The following PID1 variants were observed in gnomAD, a reference collection of about 807,000 sequenced individuals.
PID1 encodes the protein phosphotyrosine interaction domain containing 1.
A neutral mutation model predicts 19.1 loss-of-function variants in PID1; 10 were observed. That is an observed-to-expected ratio of 0.52 (90% CI 0.32 to 0.89). The LOEUF is 0.89. Among genes scored for constraint, PID1 ranks in the 40% least tolerant of loss-of-function variants. The pLI is 0.03. For missense variants in PID1, 248 were observed against 285.3 expected (o/e 0.87, Z 0.94); for synonymous variants, 130 against 116.0 (o/e 1.12, Z -0.78).
At position 229,131,875 on chromosome 2, in the gene PID1, AAAC is replaced by A. The variant is rs554954025; in HGVS notation, c.177+23940_177+23942del. 3.5e-4 allele frequency among the ~76,000 whole-genome samples: 53 copies of A among 152,302 alleles called. No individual in the cohort carries two copies. The South Asian group carries it at 0.01, about 29-fold the overall frequency. ...ATTTATCTCAATATCAGTCATTGTT[AAAC>A]AACAGTGACATGAGGGTGGGCAGAA... On this transcript the variant is annotated intron_variant, in intron 2 of 2. Transcript: ENST00000392055.
At position 229,054,722 on chromosome 2, in the gene PID1, G is replaced by GTTT. The variant is rs1035204865; in HGVS notation, c.178-28615_178-28614insAAA. Among the ~76,000 whole-genome samples, 106 of 57,220 alleles carry GTTT rather than the reference G, an allele frequency of 1.9e-3. 12 individuals are homozygous for GTTT. The highest frequency in any genetic ancestry group is 5.9e-3 in the African/African-American group (103 of 17,594). 37.5% of individuals were successfully genotyped at this position (57,220 alleles called of 152,430 possible). A position where few individuals can be genotyped will look rare whatever the true frequency, so the allele number is the denominator to read the frequency against. On this transcript the variant is annotated intron_variant, in intron 2 of 2. Transcript: ENST00000392055. Reference sequence around the variant, plus strand: ...TAATGCAGTGTGTGTGTGTGTGTGGGGGGGGGGGGGGGTCTGGTTTTACTC... The same window carrying GTTT: ...TAATGCAGTGTGTGTGTGTGTGTGGGTTTGGGGGGGGGGGGTCTGGTTTTACTC...
At chr2:229,079,206 G>A (rs1018412606) in intron 2 of PID1, among the ~76,000 whole-genome samples, 2 of 152,280 alleles carry the variant, frequency 1.3e-5, no homozygotes, top group African/African-American at 2.4e-5. Context: ...TCGGGGCTGA[G>A]AAGACTGGCC....
intron 2 of PID1, among the ~76,000 whole-genome samples, chr2:229,045,419 C>T (rs1424188237): frequency 6.6e-6 from 1 of 152,166 alleles, no homozygotes; most frequent in Non-Finnish European, 1.5e-5. Flanking sequence ...TGTGGCCAAC[C>T]TGATACTTAT....
intron 2 of PID1, among the ~76,000 whole-genome samples, chr2:229,051,669 A>T (rs115050480): frequency 4.5e-4 from 69 of 152,284 alleles, no homozygotes; most frequent in African/African-American, 1.6e-3. Flanking sequence ...TTACCATTAC[A>T]TAACAAAGTA....
At chr2:229,270,868 T>C (rs1212882339) in intron 1 of PID1, 146 bp downstream of exon 1, 1 of 656,368 alleles carries the variant, frequency 1.5e-6, no homozygotes, top group African/African-American at 1.9e-5. Flanking sequence ...TGGCGCTGGG[T>C]AAACCGACAG....
At chr2:229,224,383 G>A (rs879272788) in intron 1 of PID1, among the ~76,000 whole-genome samples, 20 of 152,252 alleles carry the variant, frequency 1.3e-4, no homozygotes, top group Admixed American at 8.5e-4. Context: ...TGCAACTGGT[G>A]TCCAGGAAAC....
At chr2:229,050,403 G>A (rs2215599) in intron 2 of PID1, among the ~76,000 whole-genome samples, 79,512 of 152,014 alleles carry the variant, frequency 0.52, 21,566 homozygotes, top group East Asian at 0.67. Context: ...TGCTGCAGCA[G>A]CAAACCCCTT....
chr2:229,040,105 G>A (rs1574576267), intron 2 of PID1, among the ~76,000 whole-genome samples: 1 of 146,128 alleles, frequency 6.8e-6, no homozygotes, highest in African/African-American at 2.5e-5. Flanking sequence ...GACTTATTGG[G>A]TATATTGTTA....
chr2:229,119,838 A>G (rs1695481896), intron 2 of PID1, among the ~76,000 whole-genome samples: 2 of 152,134 alleles, frequency 1.3e-5, no homozygotes. Flanking sequence ...GCCTCACGTA[A>G]TCTGTTGAGG....
Position 229,050,781 on chromosome 2 carries a change from T to A in PID1, c.178-24673A>T, listed in dbSNP as rs550343597. ...TGTAGGCCTTCTAGTAAACAAGCCATGATACCCTACTGTCTTGGGAGTGGC... is the reference window on the plus strand; with the variant it reads ...TGTAGGCCTTCTAGTAAACAAGCCAAGATACCCTACTGTCTTGGGAGTGGC... On this transcript the variant is annotated intron_variant, in intron 2 of 2. Coordinates refer to ENST00000392055, the MANE Select transcript of PID1 (RefSeq NM_001100818.2). 2.8e-4 allele frequency among the ~76,000 whole-genome samples: 43 copies of A among 152,258 alleles called. No homozygotes were observed. The South Asian group carries it at 8.3e-3, about 29-fold the overall frequency.
At chr2:229,237,230 T>C (rs1689730828) in intron 1 of PID1, among the ~76,000 whole-genome samples, 1 of 152,186 alleles carries the variant, frequency 6.6e-6, no homozygotes, top group African/African-American at 2.4e-5. Context: ...TCTGTGAATA[T>C]GTTCAAGGAA....
intron 1 of PID1, among the ~76,000 whole-genome samples, chr2:229,206,025 A>G (rs1034068459): frequency 6.6e-6 from 1 of 152,078 alleles, no homozygotes; most frequent in Non-Finnish European, 1.5e-5. Context: ...CGGCTTACAC[A>G]CCAATTACTG....
intron 2 of PID1, among the ~76,000 whole-genome samples, chr2:229,098,967 G>A (rs573483210): frequency 5.3e-5 from 8 of 152,196 alleles, no homozygotes; most frequent in African/African-American, 1.7e-4. Flanking sequence ...CTAAAGAGAC[G>A]GTGAAGATTT....
chr2:229,252,950 C>T (rs1690192497), intron 1 of PID1, among the ~76,000 whole-genome samples: 1 of 152,118 alleles, frequency 6.6e-6, no homozygotes. Flanking sequence ...TTCCTGGATC[C>T]AGAGGGCTTT....
chr2:229,055,816 A>C (rs892744415), intron 2 of PID1, among the ~76,000 whole-genome samples: 20 of 152,234 alleles, frequency 1.3e-4, no homozygotes, highest in African/African-American at 4.8e-4. Context: ...TCAATAAAAT[A>C]ACTCATTTCT....
intron 2 of PID1, among the ~76,000 whole-genome samples, chr2:229,134,544 T>C (rs6436843): frequency 0.57 from 87,031 of 151,868 alleles, 25,076 homozygotes; most frequent in Admixed American, 0.65. Context: ...ACCTGGCCAC[T>C]GTTGTTATCT....
intron 2 of PID1, among the ~76,000 whole-genome samples, chr2:229,114,134 TTTCTC>T (rs1695360704): frequency 7.3e-6 from 1 of 136,842 alleles, no homozygotes; most frequent in East Asian, 2.2e-4. Context: ...TCTCTCTCTC[TTTCTC>T]TCTCTCTCTC....
chr2:229,230,195 GT>G (rs1413938718), intron 1 of PID1, among the ~76,000 whole-genome samples: 4 of 152,156 alleles, frequency 2.6e-5, no homozygotes, highest in Non-Finnish European at 4.4e-5. Context: ...TTGTCAAGAA[GT>G]TTTTAGCTGT....
At chr2:229,143,474 A>ATTTGTG in intron 2 of PID1, among the ~76,000 whole-genome samples, 1 of 152,292 alleles carries the variant, frequency 6.6e-6, no homozygotes, top group Non-Finnish European at 1.5e-5. Context: ...TGAACTGTTA[A>ATTTGTG]GAAACAAGAG....
Sources: gnomAD v4.1 joint callset for allele counts (sites outside exome capture counted in the v4.1 genomes callset) on GRCh38, gnomAD v4.1.1 for gene constraint, MANE v1.5 for transcripts, NCBI Gene and HGNC (gene_info 2026-07-23, HGNC 2026-07-21) for gene names.